Variants in NRXN3 observed in about 807,000 individuals in gnomAD.
The protein encoded by NRXN3 is neurexin III.
NRXN3 carries 32 observed loss-of-function variants against 137.6 expected under a neutral mutation model. The ratio of observed to expected loss-of-function variants is 0.23; its 90% confidence interval spans 0.18 to 0.31. The LOEUF (loss-of-function observed/expected upper bound fraction) is 0.31. Ranked by LOEUF, NRXN3 falls within the 10% of genes least tolerant of loss-of-function variation. The probability of loss-of-function intolerance (pLI) is 1.00; values close to 1 mark genes in which losing one functional copy is unlikely to be tolerated. For missense variants in NRXN3, 1,574 were observed against 2,062.5 expected (o/e 0.76, Z 4.59); for synonymous variants, 798 against 784.5 (o/e 1.02, Z -0.29).
chr14:78,423,811 C>T (rs2093554513), intron 4 of NRXN3, among the ~76,000 whole-genome samples: 2 of 152,190 alleles, frequency 1.3e-5, no homozygotes, highest in African/African-American at 4.8e-5. Context: ...CTGTAGCAGT[C>T]CAGTTAGGGA....
At chr14:79,398,116 T>C (rs375875725) in intron 15 of NRXN3, among the ~76,000 whole-genome samples, 5 of 152,188 alleles carry the variant, frequency 3.3e-5, no homozygotes, top group Non-Finnish European at 7.3e-5. Flanking sequence ...TTAAGAGCAC[T>C]CTGAACTGTA....
At chr14:78,764,186 A>T (rs2098701457) in intron 8 of NRXN3, among the ~76,000 whole-genome samples, 1 of 152,190 alleles carries the variant, frequency 6.6e-6, no homozygotes, top group Admixed American at 6.5e-5. Flanking sequence ...CAATTTACAA[A>T]CTAGTTAAGA....
intron 10 of NRXN3, among the ~76,000 whole-genome samples, chr14:78,890,895 A>G (rs2099156959): frequency 6.6e-6 from 1 of 151,954 alleles, no homozygotes; most frequent in South Asian, 2.1e-4. Flanking sequence ...TCAATAACAG[A>G]AGCCACTGAA....
intron 15 of NRXN3, among the ~76,000 whole-genome samples, chr14:79,377,523 G>C (rs1248122900): frequency 6.6e-6 from 1 of 152,106 alleles, no homozygotes; most frequent in African/African-American, 2.4e-5. Flanking sequence ...GGAGGCCGAG[G>C]CAGGCAGATC....
At chr14:79,612,943 A>C (rs938097418) in intron 16 of NRXN3, among the ~76,000 whole-genome samples, 2 of 152,264 alleles carry the variant, frequency 1.3e-5, no homozygotes, top group African/African-American at 4.8e-5. Flanking sequence ...TTAAGAAAGA[A>C]AATAAAACAT....
intron 15 of NRXN3, among the ~76,000 whole-genome samples, chr14:79,134,545 G>A (rs2170046): frequency 0.018 from 2,773 of 152,306 alleles, 82 homozygotes; most frequent in African/African-American, 0.064. Context: ...GGAAGTTGCA[G>A]TGTTACATAA....
At chr14:79,766,226 C>T (rs899091363) in intron 19 of NRXN3, among the ~76,000 whole-genome samples, 1 of 152,042 alleles carries the variant, frequency 6.6e-6, no homozygotes, top group African/African-American at 2.4e-5. Flanking sequence ...ATGGTGTCCA[C>T]TTCATGCCAT....
At chr14:79,474,190 G>C (rs1393930111) in intron 16 of NRXN3, among the ~76,000 whole-genome samples, 1 of 152,102 alleles carries the variant, frequency 6.6e-6, no homozygotes, top group East Asian at 1.9e-4. Context: ...ACTACTTGGA[G>C]CTTCAGCTTC....
At chr14:79,244,859 C>G (rs1406572342) in intron 15 of NRXN3, among the ~76,000 whole-genome samples, 1 of 152,128 alleles carries the variant, frequency 6.6e-6, no homozygotes, top group African/African-American at 2.4e-5. Flanking sequence ...CAAGGGAACA[C>G]TTAAACTCTA....
At chr14:79,237,829 A>G (rs1012005022) in intron 15 of NRXN3, among the ~76,000 whole-genome samples, 2 of 152,082 alleles carry the variant, frequency 1.3e-5, no homozygotes, top group Non-Finnish European at 2.9e-5. Flanking sequence ...TTTCTTAATG[A>G]TTTTGTGATC....
intron 15 of NRXN3, among the ~76,000 whole-genome samples, chr14:79,005,066 G>A (rs969110296): frequency 2.6e-5 from 4 of 152,128 alleles, no homozygotes; most frequent in African/African-American, 9.7e-5. Flanking sequence ...TGCTGGTACT[G>A]CTTCCTAAGT....
At chr14:78,773,565 A>G (rs886930511) in intron 8 of NRXN3, among the ~76,000 whole-genome samples, 1 of 152,030 alleles carries the variant, frequency 6.6e-6, no homozygotes, top group Non-Finnish European at 1.5e-5. Context: ...GCTTTATTTA[A>G]TTTTTAATTT....
intron 14 of NRXN3, among the ~76,000 whole-genome samples, chr14:78,984,087 A>C (rs2099496782): frequency 6.6e-6 from 1 of 152,104 alleles, no homozygotes. Context: ...GAAAAATAAG[A>C]GATGTTGATC....
In NRXN3 at chr14:78,958,545, T is replaced by C. The variant is rs368413368; in HGVS notation, c.2395+1184T>C. On this transcript the variant is annotated intron_variant, in intron 11 of 20. Transcript: ENST00000335750. ...TAATTTTTTGTATTTTTAGTAGAGA[T>C]GGCGTTTCACCGTGTTAGCCAGGAT... Among the ~76,000 whole-genome samples the C allele has an allele frequency of 1.4e-3, 216 of 152,166 alleles. 4 individuals are homozygous for C. The South Asian group carries it at 0.029, about 21-fold the overall frequency.
intron 15 of NRXN3, among the ~76,000 whole-genome samples, chr14:79,376,049 TGTAA>T (rs1382848062): frequency 1.5e-5 from 2 of 133,416 alleles, no homozygotes; most frequent in African/African-American, 2.6e-5. Flanking sequence ...TAAGTGTATA[TGTAA>T]GTAATATATA....
At chr14:79,787,857 T>C (rs563682893) in intron 19 of NRXN3, among the ~76,000 whole-genome samples, 5 of 152,178 alleles carry the variant, frequency 3.3e-5, no homozygotes, top group African/African-American at 1.2e-4. Context: ...GCTATTTATG[T>C]CCCTGATACC....
At chr14:79,123,493 T>C (rs572983164) in intron 15 of NRXN3, among the ~76,000 whole-genome samples, 1 of 152,170 alleles carries the variant, frequency 6.6e-6, no homozygotes, top group Non-Finnish European at 1.5e-5. Flanking sequence ...TGCATCATTG[T>C]GTGTAGGTTT....
At chr14:79,678,923 T>C (rs2098654832) in intron 17 of NRXN3, among the ~76,000 whole-genome samples, 1 of 152,140 alleles carries the variant, frequency 6.6e-6, no homozygotes, top group East Asian at 1.9e-4. Flanking sequence ...GGTCACCCGG[T>C]CCGTTTCCCT....
chr14:78,770,849 T>G (rs2098724993), intron 8 of NRXN3, among the ~76,000 whole-genome samples: 1 of 151,430 alleles, frequency 6.6e-6, no homozygotes, highest in Non-Finnish European at 1.5e-5. Context: ...AATTTTGGGG[T>G]TGGGGGGGGT....
Sources: gnomAD v4.1 joint callset for allele counts (sites outside exome capture counted in the v4.1 genomes callset) on GRCh38, gnomAD v4.1.1 for gene constraint, MANE v1.5 for transcripts, NCBI Gene and HGNC (gene_info 2026-07-23, HGNC 2026-07-21) for gene names.